The following TRPC6 variants were observed in gnomAD, a reference collection of about 807,000 sequenced individuals.
TRPC6 encodes short transient receptor potential channel 6.
Under a neutral mutation model 90.7 loss-of-function variants are expected in TRPC6, and 55 were observed. The ratio of observed to expected loss-of-function variants is 0.61; its 90% CI spans 0.49 to 0.76. TRPC6 has a LOEUF of 0.76. Ranked by LOEUF, TRPC6 falls within the 30% of genes least tolerant of loss-of-function variation. TRPC6 has a pLI of 0.00. For missense variants in TRPC6, 989 were observed against 1,122.7 expected (o/e 0.88, Z 1.70); for synonymous variants, 393 against 393.0 (o/e 1.00, Z 0.00).
intron 1 of TRPC6, among the ~76,000 whole-genome samples, chr11:101,548,137 C>T (rs1229636368): frequency 6.6e-6 from 1 of 150,974 alleles, no homozygotes; most frequent in Admixed American, 6.6e-5. Context: ...TCTAAGAGAA[C>T]TTCAACAAAT....
At chr11:101,492,032 G>C (rs1209730901) in intron 2 of TRPC6, among the ~76,000 whole-genome samples, 1 of 151,700 alleles carries the variant, frequency 6.6e-6, no homozygotes, top group African/African-American at 2.4e-5. Context: ...GTAGAGACGG[G>C]ATTTCACCGT....
rs147530394 is a variant in TRPC6, at chr11:101,558,214, T to TATAC, written c.170+25119_170+25120insGTAT. Among the ~76,000 whole-genome samples, 493 of 67,016 alleles carry TATAC rather than the reference T, an allele frequency of 7.4e-3. 38 individuals are homozygous for TATAC. The highest frequency in any genetic ancestry group is 0.064 in the East Asian group (104 of 1,614). 44.0% of individuals were successfully genotyped at this position (67,016 alleles called of 152,430 possible). ...ACATATATATGTGTGTGTATACATG[T>TATAC]ATATATGTATACATGTATATGGGTA... On this transcript the variant is annotated intron_variant, in intron 1 of 12. Transcript: ENST00000344327.
At chr11:101,545,687 A>G (rs12803724) in intron 1 of TRPC6, among the ~76,000 whole-genome samples, 15,221 of 152,248 alleles carry the variant, frequency 0.1, 879 homozygotes, top group Middle Eastern at 0.14. Flanking sequence ...TACATTTCTT[A>G]TAATTTAGCT....
intron 4 of TRPC6, among the ~76,000 whole-genome samples, chr11:101,484,785 C>G (rs1480037673): frequency 6.6e-6 from 1 of 151,784 alleles, no homozygotes; most frequent in Non-Finnish European, 1.5e-5. Context: ...TTAAATCATG[C>G]CGAGATTACT....
rs771070261 is a variant in TRPC6, at chr11:101,489,109, G to T, written c.1129-8C>A. On this transcript the variant is annotated splice_polypyrimidine_tract_variant and splice_region_variant and intron_variant, in intron 3 of 12. Transcript: ENST00000344327. Reference sequence around the variant, plus strand: ...GTTTGGATGAGCTACAAACTAGCAGGGAAGTGACAAAATATTTAAATTTGA... The same window carrying T: ...GTTTGGATGAGCTACAAACTAGCAGTGAAGTGACAAAATATTTAAATTTGA... 1.9e-6 allele frequency: 3 copies of T among 1,613,778 alleles called. No individual in the cohort carries two copies. The highest frequency in any genetic ancestry group is 2.5e-6 in the Non-Finnish European group (3 of 1,179,746).
chr11:101,527,110 A>C (rs566540566), intron 1 of TRPC6, among the ~76,000 whole-genome samples: 9 of 152,220 alleles, frequency 5.9e-5, no homozygotes, highest in Middle Eastern at 3.4e-3. Flanking sequence ...CATGCTGGCA[A>C]TATGAACAAT....
Position 101,489,058 on chromosome 11 carries a change from C to G in TRPC6, c.1172G>C (p.Trp391Ser). 1 of 1,614,110 alleles carries G rather than the reference C, an allele frequency of 6.2e-7. No homozygotes were observed. Among genetic ancestry groups the G allele is most frequent in the Non-Finnish European group, 8.5e-7 (1 of 1,180,002 alleles). Residue 391 changes from tryptophan (W) to serine (S), a missense_variant, in exon 4 of 13, where the codon TGG becomes TCG. Physicochemically the swap from Trp to Ser is radical, Grantham distance 177. This residue lies in a region of TRPC6 where 486 missense variants were observed against 591.9 expected (regional missense o/e 0.82). Coordinates refer to ENST00000344327, the MANE Select transcript of TRPC6 (RefSeq NM_004621.6). ...TCGTAAACCAGAAAGATTCTCATAC[C>G]AAATGGAGAGAAGTTGCTGTTGGCA... is the stretch of plus-strand genomic sequence containing the variant. ...PNCQQQLLSIWYENLSGLRQQ... is the reference protein window; with the variant it reads ...PNCQQQLLSISYENLSGLRQQ...
intron 1 of TRPC6, among the ~76,000 whole-genome samples, chr11:101,566,225 A>G (rs1027356657): frequency 1.3e-5 from 2 of 152,238 alleles, no homozygotes; most frequent in African/African-American, 4.8e-5. Flanking sequence ...TCAAAATTAT[A>G]TTATCAATAA....
intron 9 of TRPC6, among the ~76,000 whole-genome samples, chr11:101,469,966 T>C (rs1859250895): frequency 6.6e-6 from 1 of 152,236 alleles, no homozygotes; most frequent in Admixed American, 6.5e-5. Context: ...ACTCAGAGAA[T>C]GTGCTACTTA....
At chr11:101,536,994 C>T (rs1861064545) in intron 1 of TRPC6, among the ~76,000 whole-genome samples, 1 of 152,152 alleles carries the variant, frequency 6.6e-6, no homozygotes, top group East Asian at 1.9e-4. Context: ...ATAGGATTTA[C>T]AGACTGGCTG....
rs202009166 is a variant in TRPC6, at chr11:101,492,598, G to GGT, written c.946-862_946-861dup. 9.6e-3 allele frequency among the ~76,000 whole-genome samples: 1,462 copies of GGT among 152,028 alleles called. 34 individuals are homozygous for GGT. Among genetic ancestry groups the GGT allele is most frequent in the African/African-American group, 0.034 (1,393 of 41,462 alleles). ...ACCCTGTCTAAAAAAAAAAGAGTAT[G>GGT]GTGTACCAAACTCACCTGTTGATTC... On this transcript the variant is annotated intron_variant, in intron 2 of 12. Transcript: ENST00000344327.
At chr11:101,548,633 A>T (rs1861380345) in intron 1 of TRPC6, among the ~76,000 whole-genome samples, 1 of 151,116 alleles carries the variant, frequency 6.6e-6, no homozygotes, top group South Asian at 2.1e-4. Flanking sequence ...AGCTCGTACC[A>T]TTCTCACTTC....
intron 6 of TRPC6, among the ~76,000 whole-genome samples, chr11:101,475,326 C>T (rs1859385984): frequency 6.6e-6 from 1 of 151,988 alleles, no homozygotes; most frequent in Non-Finnish European, 1.5e-5. Flanking sequence ...CTATGGGGCA[C>T]AACTTGATGT....
intron 10 of TRPC6, among the ~76,000 whole-genome samples, chr11:101,458,019 C>T (rs530518225): frequency 6.6e-6 from 1 of 152,276 alleles, no homozygotes; most frequent in Non-Finnish European, 1.5e-5. Flanking sequence ...AACTACTGAA[C>T]ATCATAACTT....
At chr11:101,470,881 G>C (rs774181638) in intron 9 of TRPC6, among the ~76,000 whole-genome samples, 1 of 143,978 alleles carries the variant, frequency 6.9e-6, no homozygotes, top group Non-Finnish European at 1.5e-5. Context: ...GAAAAGTGAG[G>C]GACATGTAGC....
intron 1 of TRPC6, among the ~76,000 whole-genome samples, chr11:101,556,512 T>G (rs917263219): frequency 6.6e-5 from 10 of 152,046 alleles, no homozygotes; most frequent in African/African-American, 2.2e-4. Flanking sequence ...CATGAAGAAA[T>G]AGAATATGTG....
intron 1 of TRPC6, among the ~76,000 whole-genome samples, chr11:101,505,761 T>C (rs1860247715): frequency 6.6e-6 from 1 of 152,034 alleles, no homozygotes; most frequent in Non-Finnish European, 1.5e-5. Context: ...ACGCCTATAA[T>C]CCCAGGACCT....
chr11:101,505,033 T>C (rs1246860929), intron 1 of TRPC6, among the ~76,000 whole-genome samples: 1 of 152,224 alleles, frequency 6.6e-6, no homozygotes, highest in Non-Finnish European at 1.5e-5. Context: ...GGGTGGAGAC[T>C]AGCAATTGCC....
intron 10 of TRPC6, among the ~76,000 whole-genome samples, chr11:101,461,916 T>C (rs1859013699): frequency 6.6e-6 from 1 of 152,146 alleles, no homozygotes; most frequent in Admixed American, 6.6e-5. Context: ...AGTAGCAAAA[T>C]ATACTTCCTA....
Sources: gnomAD v4.1 joint callset for allele counts (sites outside exome capture counted in the v4.1 genomes callset) on GRCh38, gnomAD v4.1.1 for gene constraint, gnomAD v4.1.1 regional missense constraint, MANE v1.5 for transcripts, NCBI Gene and HGNC (gene_info 2026-07-23, HGNC 2026-07-21) for gene names.